RALGAPA2: variants seen among roughly 807,000 people sequenced by gnomAD.
RALGAPA2 encodes the protein ral GTPase-activating protein subunit alpha-2.
A neutral mutation model predicts 230.4 loss-of-function variants in RALGAPA2; 139 were observed. That is an observed-to-expected ratio of 0.60 (90% confidence interval 0.53 to 0.69). The LOEUF is 0.69. RALGAPA2 is among the 30% of genes least tolerant of loss of function. The pLI is 0.00. For missense variants in RALGAPA2, 2,163 were observed against 2,276.0 expected, an observed-to-expected ratio of 0.95 and a Z score of 1.01; for synonymous variants, 847 against 837.8, an observed-to-expected ratio of 1.01 and a Z score of -0.19.
chr20:20,575,053 C>A (rs1474622602), intron 20 of RALGAPA2, among the ~76,000 whole-genome samples: 1 of 152,156 alleles, frequency 6.6e-6, no homozygotes, highest in Non-Finnish European at 1.5e-5. Context: ...AACCATTTGA[C>A]CCCCAGGTAT....
chr20:20,676,134 C>T, intron 3 of RALGAPA2, 102 bp downstream of exon 3: 1 of 740,750 alleles, frequency 1.3e-6, no homozygotes, highest in Middle Eastern at 4.1e-4. Context: ...AATATATGTC[C>T]ACCAACAGCC....
At chr20:20,529,505 T>C (rs764931316) in intron 27 of RALGAPA2, among the ~76,000 whole-genome samples, 8 of 152,214 alleles carry the variant, frequency 5.3e-5, no homozygotes, top group Non-Finnish European at 1.0e-4. Flanking sequence ...CTCCTAAATA[T>C]GTTTTGGAAA....
chr20:20,448,097 C>T (rs577498450), intron 37 of RALGAPA2, among the ~76,000 whole-genome samples: 1 of 152,274 alleles, frequency 6.6e-6, no homozygotes, highest in South Asian at 2.1e-4. Flanking sequence ...TATAGTCCCT[C>T]CCCAGTTTGG....
Position 20,619,374 on chromosome 20 carries a change from C to A in RALGAPA2, c.1442G>T (p.Trp481Leu). ...ACTTGTGAAGGAGTATGTGCGTCCC[C>A]AACTGGAAGATCGTTTATGACCAGA... ...ESSGHKRSSS[W>L]GRTYSFTSAM... The change falls in exon 12 of 40, where the codon TGG becomes TTG. Residue 481 changes from tryptophan (W) to leucine (L), a missense_variant. Coordinates refer to ENST00000202677, the MANE Select transcript of RALGAPA2 (RefSeq NM_020343.4). The A allele has an allele frequency of 6.2e-7, 1 of 1,609,298 alleles. No homozygotes were observed. The highest frequency in any genetic ancestry group is 8.5e-7 in the Non-Finnish European group (1 of 1,177,010).
chr20:20,544,781 A>C (rs963115870), intron 24 of RALGAPA2, among the ~76,000 whole-genome samples: 1 of 152,122 alleles, frequency 6.6e-6, no homozygotes, highest in Non-Finnish European at 1.5e-5. Flanking sequence ...CAGAAAACCA[A>C]ACACTGCATA....
intron 23 of RALGAPA2, among the ~76,000 whole-genome samples, chr20:20,560,466 C>A (rs2087942984): frequency 6.6e-6 from 1 of 152,140 alleles, no homozygotes; most frequent in Non-Finnish European, 1.5e-5. Context: ...GAACAATCTG[C>A]AATTACCACA....
chr20:20,500,969 A>T (rs1054796611), intron 35 of RALGAPA2, among the ~76,000 whole-genome samples: 13 of 152,240 alleles, frequency 8.5e-5, no homozygotes, highest in African/African-American at 2.2e-4. Flanking sequence ...TAAATCTTTT[A>T]TTCTGAGTAG....
intron 33 of RALGAPA2, among the ~76,000 whole-genome samples, chr20:20,510,424 T>C (rs1035738929): frequency 2.0e-5 from 3 of 151,944 alleles, no homozygotes; most frequent in African/African-American, 4.8e-5. Context: ...AGTGAAAAAA[T>C]ATAGTGTGAA....
At chr20:20,400,946 A>G (rs1255461598) in intron 38 of RALGAPA2, among the ~76,000 whole-genome samples, 1 of 152,196 alleles carries the variant, frequency 6.6e-6, no homozygotes, top group Non-Finnish European at 1.5e-5. Flanking sequence ...ATATGGGATG[A>G]TTTTATTTAT....
chr20:20,670,741 A>C (rs1024644995), intron 3 of RALGAPA2, among the ~76,000 whole-genome samples: 2 of 151,986 alleles, frequency 1.3e-5, no homozygotes, highest in Admixed American at 1.3e-4. Context: ...TGAGGTCAGG[A>C]GTTCAAGACC....
rs79591207 is a variant in RALGAPA2, at chr20:20,598,749, C to T, written c.2203+2933G>A. On this transcript the variant is annotated intron_variant, in intron 16 of 39. Transcript: ENST00000202677. ...GAGCGCTCACGGTGTGAAGGAGGAG[C>T]GGGACGCTTTTAGTGGCAGGCAAAG... is the stretch of plus-strand genomic sequence containing the variant. The T allele has an allele frequency of 6.6e-3, 3,003 of 456,228 alleles. 18 individuals are homozygous for T. The highest frequency in any genetic ancestry group is 0.01 in the Non-Finnish European group (2,348 of 226,888). The allele number at this position is 456,228 out of a possible 1,614,324, so 28.3% of individuals were successfully genotyped here. A position where few individuals can be genotyped will look rare whatever the true frequency, so the allele number is the denominator to read the frequency against.
At chr20:20,453,596 C>T (rs141355904) in intron 37 of RALGAPA2, among the ~76,000 whole-genome samples, 1,833 of 152,330 alleles carry the variant, frequency 0.012, 39 homozygotes, top group African/African-American at 0.042. Context: ...GTCCCTGTGA[C>T]GCCTATTCAC....
intron 15 of RALGAPA2, among the ~76,000 whole-genome samples, chr20:20,602,116 GA>G (rs1294427236): frequency 6.6e-6 from 1 of 152,048 alleles, no homozygotes; most frequent in Non-Finnish European, 1.5e-5. Context: ...ATATACAAAA[GA>G]AAGTATTAAT....
chr20:20,605,549 A>C, intron 14 of RALGAPA2, 137 bp from the exon 15 acceptor site: 1 of 709,994 alleles, frequency 1.4e-6, no homozygotes, highest in South Asian at 2.0e-5. Context: ...TTTTTCTTTT[A>C]ATTCTCAAAA....
intron 24 of RALGAPA2, among the ~76,000 whole-genome samples, chr20:20,545,384 T>A (rs1174679625): frequency 6.6e-6 from 1 of 152,176 alleles, no homozygotes; most frequent in Non-Finnish European, 1.5e-5. Context: ...CTCTTTTACC[T>A]TTCTTCTCTT....
chr20:20,464,555 G>T (rs751996078), intron 37 of RALGAPA2, among the ~76,000 whole-genome samples: 12 of 152,100 alleles, frequency 7.9e-5, no homozygotes, highest in Non-Finnish European at 1.6e-4. Context: ...TGTCTGCAAG[G>T]TTTCTGACTT....
chr20:20,404,720 G>C (rs1417199672), intron 38 of RALGAPA2, among the ~76,000 whole-genome samples: 1 of 152,206 alleles, frequency 6.6e-6, no homozygotes, highest in Non-Finnish European at 1.5e-5. Context: ...AACTGCTAAA[G>C]CGTCCCCTGA....
In RALGAPA2 at chr20:20,436,828, C is replaced by T. The variant is rs926418186; in HGVS notation, c.5496-24680G>A. 3.9e-5 allele frequency among the ~76,000 whole-genome samples: 6 copies of T among 152,262 alleles called. 1 individual carries two copies. The highest frequency in any genetic ancestry group is 1.4e-4 in the African/African-American group (6 of 41,476). ...GGGAGGCAGGAAACTGCCATTTTGA[C>T]TGCCCACTACGTCCTGCCAGACACA... On this transcript the variant is annotated intron_variant, in intron 37 of 39. Transcript: ENST00000202677.
rs556198519 is a variant in RALGAPA2, at chr20:20,554,026, C to T, written c.3157-7194G>A. On this transcript the variant is annotated intron_variant, in intron 23 of 39. Coordinates refer to ENST00000202677, the MANE Select transcript of RALGAPA2 (RefSeq NM_020343.4). Reference sequence around the variant, plus strand: ...TATATTCATATATAATGAAATTCACCCTATAAAGTGTACAATTCAGTAGTT... The same window carrying T: ...TATATTCATATATAATGAAATTCACTCTATAAAGTGTACAATTCAGTAGTT... Among the ~76,000 whole-genome samples the T allele has an allele frequency of 9.2e-5, 14 of 152,158 alleles. No individual in the cohort carries two copies. In the South Asian group the frequency reaches 2.3e-3, roughly 25 times the overall value.
Sources: allele counts gnomAD v4.1 joint callset (sites outside exome capture counted in the v4.1 genomes callset), GRCh38; gene constraint gnomAD v4.1.1; transcripts MANE v1.5; gene names NCBI Gene and HGNC (gene_info 2026-07-23, HGNC 2026-07-21).